GRID1: variants seen among roughly 807,000 people sequenced by gnomAD.
GRID1 encodes glutamate ionotropic receptor delta type subunit 1, also known as glutamate receptor ionotropic, delta-1.
A neutral mutation model predicts 98.0 loss-of-function variants in GRID1; 28 were observed. The ratio of observed to expected loss-of-function variants is 0.29; its 90% CI spans 0.21 to 0.39. The LOEUF (loss-of-function observed/expected upper bound fraction) is 0.39, where lower values mean the gene tolerates loss of function less well. Among genes scored for constraint, GRID1 ranks in the 10% least tolerant of loss-of-function variants. The probability of loss-of-function intolerance (pLI) is 1.00; values close to 1 mark genes in which losing one functional copy is unlikely to be tolerated. For missense variants in GRID1, 1,111 were observed against 1,340.5 expected, an observed-to-expected ratio of 0.83 and a Z score of 2.67; for synonymous variants, 553 against 538.5, an observed-to-expected ratio of 1.03 and a Z score of -0.37.
At chr10:85,769,814 C>A (rs1009112899) in intron 8 of GRID1, among the ~76,000 whole-genome samples, 3 of 152,246 alleles carry the variant, frequency 2.0e-5, no homozygotes, top group Non-Finnish European at 4.4e-5. Flanking sequence ...GTAAACAAAG[C>A]AGCAGGGAAG....
chr10:85,651,854 T>C, intron 12 of GRID1, among the ~76,000 whole-genome samples: 1 of 152,178 alleles, frequency 6.6e-6, no homozygotes, highest in East Asian at 1.9e-4. Context: ...TTGATAATAT[T>C]TTGTGTTGGA....
chr10:85,671,460 G>T (rs1841084225), intron 12 of GRID1, among the ~76,000 whole-genome samples: 1 of 152,020 alleles, frequency 6.6e-6, no homozygotes, highest in Admixed American at 6.6e-5. Flanking sequence ...TTCTTTGGGG[G>T]CCACAAACTG....
intron 3 of GRID1, among the ~76,000 whole-genome samples, chr10:86,178,537 G>A (rs1297411761): frequency 6.6e-6 from 1 of 152,178 alleles, no homozygotes; most frequent in Non-Finnish European, 1.5e-5. Flanking sequence ...GGCCCAGGAA[G>A]GGCCTCTGCC....
At chr10:85,821,512 A>G in intron 8 of GRID1, among the ~76,000 whole-genome samples, 2 of 110,488 alleles carry the variant, frequency 1.8e-5, no homozygotes, top group East Asian at 2.5e-4. Flanking sequence ...GCAAGACTTC[A>G]TCTCAAAAAA....
At chr10:86,254,645 C>T (rs1424629613) in intron 2 of GRID1, among the ~76,000 whole-genome samples, 1 of 152,236 alleles carries the variant, frequency 6.6e-6, no homozygotes, top group African/African-American at 2.4e-5. Context: ...GCAGCTGGGG[C>T]CACACCCTGG....
intron 2 of GRID1, among the ~76,000 whole-genome samples, chr10:86,341,679 T>C (rs1250575296): frequency 6.6e-6 from 1 of 152,180 alleles, no homozygotes; most frequent in African/African-American, 2.4e-5. Context: ...GCCTGGCATT[T>C]ACATCTGCGG....
At chr10:86,362,080 G>A (rs77953515) in intron 2 of GRID1, among the ~76,000 whole-genome samples, 2,390 of 152,324 alleles carry the variant, frequency 0.016, 68 homozygotes, top group African/African-American at 0.052. Flanking sequence ...ATGGAACACA[G>A]GCAGGGTCCC....
chr10:85,846,747 T>C (rs1843010624), intron 8 of GRID1, among the ~76,000 whole-genome samples: 1 of 152,196 alleles, frequency 6.6e-6, no homozygotes, highest in South Asian at 2.1e-4. Flanking sequence ...TTAAATTGTT[T>C]ACAAGTACTA....
At chr10:85,935,269 AC>A (rs1305992976) in intron 4 of GRID1, among the ~76,000 whole-genome samples, 5 of 152,118 alleles carry the variant, frequency 3.3e-5, no homozygotes, top group African/African-American at 1.2e-4. Flanking sequence ...GTGGCCAAAG[AC>A]CCCTCAATTG....
intron 2 of GRID1, among the ~76,000 whole-genome samples, chr10:86,224,886 G>C (rs555330947): frequency 3.3e-5 from 5 of 152,274 alleles, no homozygotes; most frequent in African/African-American, 1.2e-4. Context: ...CAGCTCAGCC[G>C]GGGCATTATC....
rs554311424 is a variant in GRID1 at position 85,897,713 on chromosome 10, C to T, written c.780+18473G>A. On this transcript the variant is annotated intron_variant, in intron 5 of 15. Transcript: ENST00000327946. ...GTTAAATCAAGCTAATTAATTGATC[C>T]ATTATCAATTTTTTTGTGATGAGAA... 4.6e-5 allele frequency among the ~76,000 whole-genome samples: 7 copies of T among 152,168 alleles called. No individual in the cohort carries two copies. The South Asian group carries it at 1.5e-3, about 32-fold the overall frequency.
intron 4 of GRID1, among the ~76,000 whole-genome samples, chr10:86,061,082 A>G (rs1284939011): frequency 6.6e-6 from 1 of 151,854 alleles, no homozygotes; most frequent in East Asian, 1.9e-4. Context: ...TGGTGCCTCC[A>G]CTATCCTTCT....
At chr10:85,795,681 C>A (rs1162714483) in intron 8 of GRID1, among the ~76,000 whole-genome samples, 1 of 152,274 alleles carries the variant, frequency 6.6e-6, no homozygotes, top group Admixed American at 6.5e-5. Context: ...AGACAGGCAA[C>A]GGCACGTCGA....
rs1325928049 is a variant in GRID1 at position 86,138,880 on chromosome 10, T to C, written c.665A>G (p.Asp222Gly). 1 of 1,614,158 alleles carries C rather than the reference T, an allele frequency of 6.2e-7. No individual in the cohort carries two copies. The highest frequency in any genetic ancestry group is 8.5e-7 in the Non-Finnish European group (1 of 1,180,014). Residue 222 changes from aspartate to glycine, a missense_variant, in exon 4 of 16, where the codon GAC becomes GGC. By Grantham distance (94) the Asp-to-Gly change is moderately conservative. Coordinates refer to ENST00000327946, the MANE Select transcript of GRID1 (RefSeq NM_017551.3). ...CAGCAGGATGGCGCGGCGAAGCGTG[T>C]CCCGGTAGCGATTCAGCTCCTCTGT... Reference protein sequence around the residue: ...MKTEELNRYRDTLRRAILLLS... With the variant: ...MKTEELNRYRGTLRRAILLLS...
intron 4 of GRID1, among the ~76,000 whole-genome samples, chr10:85,947,392 T>C (rs1449548339): frequency 6.6e-6 from 1 of 152,210 alleles, no homozygotes; most frequent in African/African-American, 2.4e-5. Context: ...GTTTTTCTTA[T>C]TATAATGGCC....
At chr10:86,298,039 G>T (rs11201968) in intron 2 of GRID1, among the ~76,000 whole-genome samples, 3,513 of 152,280 alleles carry the variant, frequency 0.023, 65 homozygotes, top group Non-Finnish European at 0.038. Flanking sequence ...CACACTCTTT[G>T]ACCCAATAAT....
chr10:85,831,502 A>C (rs1448077073), intron 8 of GRID1, among the ~76,000 whole-genome samples: 1 of 152,140 alleles, frequency 6.6e-6, no homozygotes. Context: ...AATATGAAAC[A>C]ATAAAATGAG....
At chr10:85,790,065 G>A (rs1842464547) in intron 8 of GRID1, among the ~76,000 whole-genome samples, 1 of 152,114 alleles carries the variant, frequency 6.6e-6, no homozygotes, top group Admixed American at 6.5e-5. Context: ...TTCCCAGTGG[G>A]CAATTCATCC....
At chr10:86,148,615 G>C (rs1252325937) in intron 3 of GRID1, among the ~76,000 whole-genome samples, 3 of 152,002 alleles carry the variant, frequency 2.0e-5, no homozygotes, top group African/African-American at 7.2e-5. Context: ...GATTTTAAGT[G>C]TTCTCACCAC....
Sources: gnomAD v4.1 joint callset for allele counts (sites outside exome capture counted in the v4.1 genomes callset) on GRCh38, gnomAD v4.1.1 for gene constraint, MANE v1.5 for transcripts, NCBI Gene and HGNC (gene_info 2026-07-23, HGNC 2026-07-21) for gene names.